The following JAKMIP2 variants were observed in gnomAD, a reference collection of about 807,000 sequenced individuals.
JAKMIP2 encodes janus kinase and microtubule interacting protein 2.
JAKMIP2 carries 25 observed loss-of-function variants against 115.0 expected under a neutral mutation model. That is an observed-to-expected ratio of 0.22 (90% confidence interval 0.16 to 0.30). The LOEUF (loss-of-function observed/expected upper bound fraction) is 0.30. Among genes scored for constraint, JAKMIP2 ranks in the 10% least tolerant of loss-of-function variants. The pLI, the probability that JAKMIP2 is intolerant of heterozygous loss-of-function variation, is 1.00. For synonymous variants in JAKMIP2, 334 were observed against 343.6 expected, an observed-to-expected ratio of 0.97 and a Z score of 0.31; for missense variants, 642 against 957.6, an observed-to-expected ratio of 0.67 and a Z score of 4.35.
At chr5:147,769,366 G>A (rs985047892) in intron 1 of JAKMIP2, among the ~76,000 whole-genome samples, 4 of 152,130 alleles carry the variant, frequency 2.6e-5, no homozygotes, top group Admixed American at 2.0e-4. Context: ...AAGGATGACT[G>A]TGCCTACCTC....
chr5:147,604,026 G>A (rs564446553), intron 20 of JAKMIP2, among the ~76,000 whole-genome samples: 4 of 152,126 alleles, frequency 2.6e-5, no homozygotes, highest in Non-Finnish European at 5.9e-5. Flanking sequence ...CAGCCCTAGG[G>A]TAGCTTATGA....
chr5:147,764,991 GGA>G lies in JAKMIP2; in HGVS notation c.-149+17463_-149+17464del, dbSNP rs71001457. ...GGGGGAGAGAGAGAGAGAGAGAGAG[GGA>G]GAGAGAGAGAGAGAGAGAAAGGGAG... On this transcript the variant is annotated intron_variant, in intron 1 of 21. Transcript: ENST00000616793. 1.3e-3 allele frequency among the ~76,000 whole-genome samples: 50 copies of G among 37,166 alleles called. 1 individual carries two copies. Among genetic ancestry groups the G allele is most frequent in the South Asian group, 7.2e-3 (8 of 1,104 alleles). The allele number at this position is 37,166 out of a possible 152,430, so 24.4% of individuals were successfully genotyped here.
At chr5:147,700,764 T>C (rs950523640) in intron 1 of JAKMIP2, among the ~76,000 whole-genome samples, 28 of 152,218 alleles carry the variant, frequency 1.8e-4, no homozygotes, top group African/African-American at 1.7e-4. Flanking sequence ...TGGAAGTTTA[T>C]TGCCTTTCTG....
chr5:147,628,683 C>T (rs898613634), intron 16 of JAKMIP2, 68 bp downstream of exon 16: 12 of 1,187,828 alleles, frequency 1.0e-5, no homozygotes, highest in African/African-American at 3.0e-5. Context: ...GTCCTTCACA[C>T]CCTAGTCTGC....
chr5:147,643,945 CAT>C (rs1757999394), intron 7 of JAKMIP2, 111 bp downstream of exon 7: 1 of 726,026 alleles, frequency 1.4e-6, no homozygotes, highest in Non-Finnish European at 2.1e-6. Context: ...ACATATTTAA[CAT>C]ATGAACTTGG....
At chr5:147,665,685 A>C (rs547692062) in intron 2 of JAKMIP2, among the ~76,000 whole-genome samples, 1 of 152,220 alleles carries the variant, frequency 6.6e-6, no homozygotes, top group Admixed American at 6.5e-5. Context: ...ATTACACTTA[A>C]AAATGTCTGT....
chr5:147,631,960 A>T (rs1757378986), intron 13 of JAKMIP2, among the ~76,000 whole-genome samples: 1 of 152,176 alleles, frequency 6.6e-6, no homozygotes, highest in South Asian at 2.1e-4. Context: ...ATCCAGACCT[A>T]ATTCAAAATA....
chr5:147,718,242 G>T (rs992864380), intron 1 of JAKMIP2, among the ~76,000 whole-genome samples: 1 of 151,282 alleles, frequency 6.6e-6, no homozygotes, highest in South Asian at 2.1e-4. Flanking sequence ...TGCTGGATTC[G>T]GTTTGTCAGT....
At chr5:147,619,993 C>A (rs1253344315) in intron 18 of JAKMIP2, among the ~76,000 whole-genome samples, 1 of 152,166 alleles carries the variant, frequency 6.6e-6, no homozygotes, top group African/African-American at 2.4e-5. Context: ...AGATCAGACT[C>A]CCAAATGACT....
At chr5:147,677,729 A>G (rs2126823256) in intron 1 of JAKMIP2, among the ~76,000 whole-genome samples, 2 of 152,360 alleles carry the variant, frequency 1.3e-5, no homozygotes, top group South Asian at 4.1e-4. Context: ...GTATGTATTT[A>G]TGGTGTACAA....
intron 20 of JAKMIP2, among the ~76,000 whole-genome samples, chr5:147,608,585 T>C (rs1406785610): frequency 3.9e-5 from 6 of 152,314 alleles, no homozygotes; most frequent in South Asian, 4.1e-4. Flanking sequence ...AGGAGTGTTT[T>C]ACTTTCAATT....
In JAKMIP2 at chr5:147,657,075, C is replaced by T. The variant is rs530059408; in HGVS notation, c.627+3873G>A. On this transcript the variant is annotated intron_variant, in intron 3 of 21. Transcript: ENST00000616793. ...CGGGTGGATCACAAGGTCAGGAGAT[C>T]GAGACCATCCTGGCTAACATGGTGA... Among the ~76,000 whole-genome samples the T allele has an allele frequency of 1.6e-4, 25 of 152,170 alleles. 1 individual carries two copies. The South Asian group carries it at 5.0e-3, about 30-fold the overall frequency.
chr5:147,709,791 G>C (rs757109460), intron 1 of JAKMIP2, among the ~76,000 whole-genome samples: 5 of 152,144 alleles, frequency 3.3e-5, no homozygotes, highest in Non-Finnish European at 5.9e-5. Flanking sequence ...GGAGGTTAAA[G>C]TGAGCCAAGA....
At chr5:147,669,078 C>A (rs1759449958) in intron 2 of JAKMIP2, among the ~76,000 whole-genome samples, 1 of 152,142 alleles carries the variant, frequency 6.6e-6, no homozygotes, top group African/African-American at 2.4e-5. Context: ...GTCATTTTGT[C>A]ATCAGAGCCT....
intron 16 of JAKMIP2, among the ~76,000 whole-genome samples, chr5:147,626,901 T>C (rs1757122197): frequency 6.6e-6 from 1 of 152,188 alleles, no homozygotes; most frequent in Admixed American, 6.5e-5. Flanking sequence ...TGAATAAGGC[T>C]CTCTTGCTAT....
chr5:147,641,912 T>A, intron 7 of JAKMIP2, 148 bp from the exon 8 acceptor site: 1 of 624,958 alleles, frequency 1.6e-6, no homozygotes. Flanking sequence ...CTTTTGGGAT[T>A]GATACTTAAA....
chr5:147,696,893 C>T (rs888322998), intron 1 of JAKMIP2, among the ~76,000 whole-genome samples: 1 of 152,168 alleles, frequency 6.6e-6, no homozygotes, highest in Non-Finnish European at 1.5e-5. Flanking sequence ...CCCTAGAGAT[C>T]TGAGGAACTT....
At chr5:147,775,012 C>T (rs989126816) in intron 1 of JAKMIP2, among the ~76,000 whole-genome samples, 3 of 152,122 alleles carry the variant, frequency 2.0e-5, no homozygotes. Flanking sequence ...CTAACTGAAA[C>T]TGGACTCCAG....
In JAKMIP2 at chr5:147,644,872, A is replaced by G. The variant is rs1472031917; in HGVS notation, c.1061T>C (p.Val354Ala). Residue 354 changes from valine (V) to alanine (A), a missense_variant, in exon 6 of 22, where the codon GTT becomes GCT. Val to Ala is a moderately conservative substitution (Grantham distance 64, BLOSUM62 0). Around this residue, in one of 6 missense-constraint regions of JAKMIP2, gnomAD observed 439 missense variants for 570.9 expected, o/e 0.77. Transcript: ENST00000616793. ...CACCATTTCTGAATTTTCCTTGGTA[A>G]CGGCTTTTAGTTTTTCTTCCATGCG... is the stretch of plus-strand genomic sequence containing the variant. ...LQRMEEKLKA[V>A]TKENSEMREK... 3 of 1,613,554 alleles carry G rather than the reference A, an allele frequency of 1.9e-6. No individual in the cohort carries two copies. Among genetic ancestry groups the G allele is most frequent in the Admixed American group, 1.7e-5 (1 of 59,906 alleles).
Sources: allele counts gnomAD v4.1 joint callset (sites outside exome capture counted in the v4.1 genomes callset), GRCh38; gene constraint gnomAD v4.1.1; regional missense constraint gnomAD v4.1.1; transcripts MANE v1.5; gene names NCBI Gene and HGNC (gene_info 2026-07-23, HGNC 2026-07-21).